PTPRT: variants seen among roughly 807,000 people sequenced by gnomAD.
PTPRT encodes the protein receptor-type tyrosine-protein phosphatase T.
In PTPRT, 56 loss-of-function variants were observed where a neutral mutation model predicts 176.8. That is an observed-to-expected ratio of 0.32 (90% confidence interval 0.26 to 0.40). The LOEUF (loss-of-function observed/expected upper bound fraction) is 0.40, where lower values mean the gene tolerates loss of function less well. PTPRT is among the 10% of genes least tolerant of loss of function. The pLI, the probability that PTPRT is intolerant of heterozygous loss-of-function variation, is 1.00. For missense variants in PTPRT, 1,540 were observed against 1,908.2 expected, an observed-to-expected ratio of 0.81 and a Z score of 3.60; for synonymous variants, 783 against 739.0, an observed-to-expected ratio of 1.06 and a Z score of -0.96.
chr20:42,111,997 C>A (rs1987022643), intron 22 of PTPRT, among the ~76,000 whole-genome samples: 1 of 151,964 alleles, frequency 6.6e-6, no homozygotes, highest in Admixed American at 6.6e-5. Context: ...CCATGGGAGA[C>A]CACAGGCCTG....
rs888175868 is a variant in PTPRT, at chr20:42,260,697, T to C, written c.2177-11875A>G. ...AGGGACAGTCTGCAGGTCATGTAAT[T>C]CCGGGACACTGAGAACAGGTTACCA... On this transcript the variant is annotated intron_variant, in intron 13 of 30. Coordinates refer to ENST00000373187, the MANE Select transcript of PTPRT (RefSeq NM_007050.6). Among the ~76,000 whole-genome samples, 13 of 152,176 alleles carry C rather than the reference T, an allele frequency of 8.5e-5. 1 individual carries two copies. The East Asian group carries it at 2.5e-3, about 30-fold the overall frequency.
At chr20:42,843,955 C>A (rs984745492) in intron 2 of PTPRT, among the ~76,000 whole-genome samples, 2 of 152,098 alleles carry the variant, frequency 1.3e-5, no homozygotes, top group Admixed American at 6.5e-5. Context: ...GCCAAGAAAA[C>A]TGAAAGATCA....
At chr20:42,406,417 T>C (rs917477581) in intron 9 of PTPRT, among the ~76,000 whole-genome samples, 1 of 152,062 alleles carries the variant, frequency 6.6e-6, no homozygotes, top group African/African-American at 2.4e-5. Context: ...AATTTGAGAA[T>C]TTCGAGAGTG....
the PTPRT span, among the ~76,000 whole-genome samples, chr20:42,049,001 A>G: frequency 6.6e-6 from 1 of 152,120 alleles, no homozygotes; most frequent in East Asian, 1.9e-4. Context: ...TTTTGTATTT[A>G]GTAGAGATGG....
At chr20:42,036,907 A>G in the PTPRT span, among the ~76,000 whole-genome samples, 1 of 152,228 alleles carries the variant, frequency 6.6e-6, no homozygotes, top group Non-Finnish European at 1.5e-5. Context: ...GGAAGAGGCA[A>G]TAAAGAATCA....
At chr20:42,615,818 T>C (rs374608865) in intron 7 of PTPRT, among the ~76,000 whole-genome samples, 2 of 112,710 alleles carry the variant, frequency 1.8e-5, no homozygotes, top group Non-Finnish European at 3.5e-5. Flanking sequence ...TTTGAGTTCA[T>C]TGTAGATTCT....
At chr20:42,457,018 G>GT (rs1020457617) in intron 8 of PTPRT, among the ~76,000 whole-genome samples, 1 of 152,060 alleles carries the variant, frequency 6.6e-6, no homozygotes, top group Admixed American at 6.6e-5. Context: ...CTTAAGTCAA[G>GT]TTTTTTAATT....
At chr20:42,892,484 A>G (rs1416094111) in intron 1 of PTPRT, among the ~76,000 whole-genome samples, 1 of 150,602 alleles carries the variant, frequency 6.6e-6, no homozygotes, top group Non-Finnish European at 1.5e-5. Context: ...CAGTGGAGCT[A>G]AGTAAAAAAA....
chr20:42,775,589 T>C (rs2077123945), intron 4 of PTPRT, among the ~76,000 whole-genome samples: 1 of 152,002 alleles, frequency 6.6e-6, no homozygotes, highest in Admixed American at 6.6e-5. Context: ...CTATAAAATA[T>C]AGATGAGAGG....
At chr20:42,714,763 G>A (rs770962709) in intron 6 of PTPRT, among the ~76,000 whole-genome samples, 8 of 152,208 alleles carry the variant, frequency 5.3e-5, no homozygotes, top group Non-Finnish European at 7.3e-5. Context: ...AAACAGCATC[G>A]CAGTCTTGTT....
intron 1 of PTPRT, among the ~76,000 whole-genome samples, chr20:42,945,494 TC>T (rs1980828005): frequency 6.6e-6 from 1 of 152,184 alleles, no homozygotes. Flanking sequence ...ATTTATCACT[TC>T]CAACAAAACA....
At chr20:42,706,185 G>T (rs1416176958) in intron 6 of PTPRT, among the ~76,000 whole-genome samples, 1 of 70,422 alleles carries the variant, frequency 1.4e-5, no homozygotes, top group Non-Finnish European at 3.3e-5. Flanking sequence ...CTGTTTGTGT[G>T]TGTGTGTGTG....
chr20:42,119,206 T>A (rs1016023563), intron 20 of PTPRT, among the ~76,000 whole-genome samples: 3 of 152,066 alleles, frequency 2.0e-5, no homozygotes, highest in Non-Finnish European at 4.4e-5. Context: ...TATGTGTGTA[T>A]TTACTGTAAT....
chr20:42,043,860 T>A, the PTPRT span, among the ~76,000 whole-genome samples: 4 of 152,216 alleles, frequency 2.6e-5, no homozygotes, highest in South Asian at 4.1e-4. Context: ...AGAAACAATA[T>A]CTGACTGCAG....
chr20:42,339,285 G>A (rs1437165767), intron 11 of PTPRT, among the ~76,000 whole-genome samples: 1 of 152,154 alleles, frequency 6.6e-6, no homozygotes, highest in Non-Finnish European at 1.5e-5. Flanking sequence ...GAATTATTTT[G>A]ACACCAGTTA....
chr20:42,041,691 T>C, the PTPRT span, among the ~76,000 whole-genome samples: 1 of 152,212 alleles, frequency 6.6e-6, no homozygotes, highest in Non-Finnish European at 1.5e-5. Context: ...CTCAATGTTC[T>C]CGTATAATGG....
At chr20:42,641,426 GA>G (rs2074747543) in intron 7 of PTPRT, among the ~76,000 whole-genome samples, 1 of 152,270 alleles carries the variant, frequency 6.6e-6, no homozygotes, top group South Asian at 2.1e-4. Flanking sequence ...AATTGTCTTT[GA>G]TGGGGGCTTT....
intron 7 of PTPRT, among the ~76,000 whole-genome samples, chr20:42,518,127 G>A (rs776344949): frequency 7.2e-5 from 11 of 151,956 alleles, no homozygotes; most frequent in Non-Finnish European, 1.3e-4. Context: ...ACTCAGTTTA[G>A]AGGTGGTTAT....
chr20:42,938,185 T>C (rs1980313619), intron 1 of PTPRT, among the ~76,000 whole-genome samples: 1 of 152,234 alleles, frequency 6.6e-6, no homozygotes. Flanking sequence ...TAAAATTTTT[T>C]GAGGGGGAAG....
Sources: allele counts gnomAD v4.1 joint callset (sites outside exome capture counted in the v4.1 genomes callset), GRCh38; gene constraint gnomAD v4.1.1; transcripts MANE v1.5; gene names NCBI Gene and HGNC (gene_info 2026-07-23, HGNC 2026-07-21).